B4GALNT3: variants seen among roughly 807,000 people sequenced by gnomAD.
The protein encoded by B4GALNT3 is beta-1,4-N-acetyl-galactosaminyltransferase 3, also known as beta-1,4-N-acetylgalactosaminyltransferase 3.
A neutral mutation model predicts 120.2 loss-of-function variants in B4GALNT3; 86 were observed. The observed-to-expected ratio is 0.72, with a 90% CI of 0.60 to 0.86. The LOEUF is 0.86. Ranked by LOEUF, B4GALNT3 falls within the 40% of genes least tolerant of loss-of-function variation. The probability of loss-of-function intolerance (pLI) is 0.00; values close to 1 mark genes in which losing one functional copy is unlikely to be tolerated. For missense variants in B4GALNT3, 1,167 were observed against 1,298.9 expected, an observed-to-expected ratio of 0.90 and a Z score of 1.56; for synonymous variants, 518 against 510.4, an observed-to-expected ratio of 1.01 and a Z score of -0.20.
chr12:511,396 T>TCTTCCACCTTC (rs1482162122), intron 1 of B4GALNT3, among the ~76,000 whole-genome samples: 2 of 52,346 alleles, frequency 3.8e-5, no homozygotes, highest in Admixed American at 2.0e-4. Flanking sequence ...CCACCTTCTG[T>TCTTCCACCTTC]CTTCCACCTT....
chr12:493,361 A>G (rs1946361342), intron 1 of B4GALNT3, among the ~76,000 whole-genome samples: 1 of 152,206 alleles, frequency 6.6e-6, no homozygotes, highest in Admixed American at 6.5e-5. Flanking sequence ...TAAAACAACA[A>G]TAAGATATCA....
intron 17 of B4GALNT3, 60 bp from the exon 18 acceptor site, chr12:558,448 G>A (rs926646069): frequency 9.7e-6 from 15 of 1,539,508 alleles, no homozygotes; most frequent in Middle Eastern, 2.0e-4. Context: ...CCTAGACGGC[G>A]ACCTGACCTC....
chr12:499,768 G>T (rs1451926892), intron 1 of B4GALNT3, among the ~76,000 whole-genome samples: 1 of 152,272 alleles, frequency 6.6e-6, no homozygotes, highest in Non-Finnish European at 1.5e-5. Flanking sequence ...TAAAGGAGTG[G>T]TCACTTTATT....
chr12:475,414 C>G (rs1395745858), intron 1 of B4GALNT3, among the ~76,000 whole-genome samples: 2 of 152,152 alleles, frequency 1.3e-5, no homozygotes, highest in African/African-American at 2.4e-5. Flanking sequence ...AAGAACCCTG[C>G]TGCTGGGAGA....
At chr12:489,493 A>C (rs1565591956) in intron 1 of B4GALNT3, among the ~76,000 whole-genome samples, 1 of 152,258 alleles carries the variant, frequency 6.6e-6, no homozygotes, top group Non-Finnish European at 1.5e-5. Context: ...ACCAATTAAA[A>C]GATGGAGATT....
intron 1 of B4GALNT3, among the ~76,000 whole-genome samples, chr12:509,899 C>T (rs1328222382): frequency 6.6e-6 from 1 of 152,194 alleles, no homozygotes. Context: ...CTCTATTCCA[C>T]ACATACCCTG....
intron 1 of B4GALNT3, among the ~76,000 whole-genome samples, chr12:479,729 G>A (rs1419025968): frequency 2.0e-5 from 3 of 152,130 alleles, no homozygotes; most frequent in South Asian, 2.1e-4. Flanking sequence ...CAGAAGCCAC[G>A]TTGTAGAATC....
chr12:505,792 C>T (rs1466031181), intron 1 of B4GALNT3, among the ~76,000 whole-genome samples: 2 of 152,128 alleles, frequency 1.3e-5, no homozygotes, highest in Non-Finnish European at 2.9e-5. Context: ...TATCCTGCTT[C>T]TGGGGTTGAT....
chr12:545,215 G>A (rs543372407), intron 5 of B4GALNT3, 154 bp from the exon 6 acceptor site: 855 of 1,452,758 alleles, frequency 5.9e-4, no homozygotes, highest in Non-Finnish European at 7.5e-4. Flanking sequence ...TCTTCACACT[G>A]TCTCCCAGGA....
intron 3 of B4GALNT3, among the ~76,000 whole-genome samples, chr12:541,221 A>G (rs919600958): frequency 6.6e-6 from 1 of 152,188 alleles, no homozygotes; most frequent in Non-Finnish European, 1.5e-5. Context: ...ACACCCCTGC[A>G]CGATGCCCTC....
At position 474,824 on chromosome 12, in the gene B4GALNT3, G is replaced by T. The variant is rs1946168230; in HGVS notation, c.169+14279G>T. On this transcript the variant is annotated intron_variant, in intron 1 of 19. Transcript: ENST00000266383. Reference sequence around the variant, plus strand: ...AATATAAGAATTAGCTGGAAGTGGTGGCACTACTATAGTCCCAGCTACTCG... The same window carrying T: ...AATATAAGAATTAGCTGGAAGTGGTTGCACTACTATAGTCCCAGCTACTCG... Among the ~76,000 whole-genome samples, 3 of 152,054 alleles carry T rather than the reference G, an allele frequency of 2.0e-5. No homozygotes were observed. The South Asian group carries it at 6.3e-4, about 32-fold the overall frequency.
intron 1 of B4GALNT3, among the ~76,000 whole-genome samples, chr12:468,910 T>G (rs1372658081): frequency 6.6e-6 from 1 of 152,160 alleles, no homozygotes; most frequent in Non-Finnish European, 1.5e-5. Context: ...GGCCCACAAA[T>G]GGACGAGAAT....
intron 1 of B4GALNT3, among the ~76,000 whole-genome samples, chr12:475,570 G>T (rs979737158): frequency 6.6e-6 from 1 of 151,910 alleles, no homozygotes; most frequent in Admixed American, 6.6e-5. Context: ...CCTCCTCTTC[G>T]CCCTGTGCCT....
At chr12:520,964 G>A (rs1044023417) in intron 1 of B4GALNT3, among the ~76,000 whole-genome samples, 1 of 152,126 alleles carries the variant, frequency 6.6e-6, no homozygotes, top group African/African-American at 2.4e-5. Context: ...ATCCTGTAAA[G>A]TTTCTTAAGT....
intron 1 of B4GALNT3, among the ~76,000 whole-genome samples, chr12:466,154 G>T (rs565618050): frequency 6.6e-6 from 1 of 152,014 alleles, no homozygotes; most frequent in Non-Finnish European, 1.5e-5. Flanking sequence ...TTGTTCAGAC[G>T]CTGTGCATGG....
intron 6 of B4GALNT3, among the ~76,000 whole-genome samples, chr12:546,371 T>G (rs1353016216): frequency 6.6e-6 from 1 of 151,790 alleles, no homozygotes; most frequent in Non-Finnish European, 1.5e-5. Flanking sequence ...CAGCGCAGCA[T>G]CTCTGGGGCC....
intron 19 of B4GALNT3, among the ~76,000 whole-genome samples, chr12:560,359 A>G (rs1947214977): frequency 2.0e-5 from 3 of 152,182 alleles, no homozygotes; most frequent in Non-Finnish European, 4.4e-5. Context: ...ATGGCCGGCC[A>G]TCCACATCCG....
At chr12:560,936 G>A (rs1947223425) in intron 19 of B4GALNT3, among the ~76,000 whole-genome samples, 2 of 146,008 alleles carry the variant, frequency 1.4e-5, no homozygotes. Flanking sequence ...TATGACGTGT[G>A]CCCTGGAGGC....
chr12:504,903 T>A (rs567844625), intron 1 of B4GALNT3, among the ~76,000 whole-genome samples: 2 of 152,024 alleles, frequency 1.3e-5, no homozygotes, highest in African/African-American at 2.4e-5. Context: ...GGTTTTTTTT[T>A]TTTTGAGATG....
Sources: gnomAD v4.1 joint callset for allele counts (sites outside exome capture counted in the v4.1 genomes callset) on GRCh38, gnomAD v4.1.1 for gene constraint, MANE v1.5 for transcripts, NCBI Gene and HGNC (gene_info 2026-07-23, HGNC 2026-07-21) for gene names.